TNFAIP8L1: variants seen among roughly 807,000 people sequenced by gnomAD.
TNFAIP8L1 encodes tumor necrosis factor alpha-induced protein 8-like protein 1.
For missense variants in TNFAIP8L1, 225 were observed against 266.1 expected (o/e 0.85, Z 1.08); for synonymous variants, 127 against 125.6 (o/e 1.01, Z -0.08).
At chr19:4,644,240 T>TA (rs2088289242) in intron 1 of TNFAIP8L1, among the ~76,000 whole-genome samples, 2 of 146,832 alleles carry the variant, frequency 1.4e-5, no homozygotes, top group African/African-American at 5.1e-5. Flanking sequence ...AAAATAAAAA[T>TA]AAAATAAAAT....
chr19:4,643,383 G>C (rs1441719179), intron 1 of TNFAIP8L1, among the ~76,000 whole-genome samples: 1 of 152,202 alleles, frequency 6.6e-6, no homozygotes, highest in Non-Finnish European at 1.5e-5. Context: ...TTATTGCTTG[G>C]GCTGAGGCAA....
At chr19:4,642,482 CA>C (rs56182452) in intron 1 of TNFAIP8L1, 237 of 131,140 alleles carry the variant, frequency 1.8e-3, no homozygotes, top group South Asian at 5.2e-3. Context: ...GACTCCATCT[CA>C]AAAAAAAAAA....
At chr19:4,648,233 G>A (rs1320946975) in intron 1 of TNFAIP8L1, among the ~76,000 whole-genome samples, 1 of 152,254 alleles carries the variant, frequency 6.6e-6, no homozygotes, top group East Asian at 1.9e-4. Flanking sequence ...GTGTGTTTGT[G>A]ACGATGGCAG....
chr19:4,644,582 G>A (rs558559415), intron 1 of TNFAIP8L1, among the ~76,000 whole-genome samples: 3 of 149,042 alleles, frequency 2.0e-5, no homozygotes, highest in Non-Finnish European at 3.0e-5. Context: ...AATGGACACC[G>A]GCTTGCAAGT....
chr19:4,640,603 G>GT (rs1019761325), intron 1 of TNFAIP8L1: 26 of 152,394 alleles, frequency 1.7e-4, no homozygotes, highest in Middle Eastern at 3.4e-3. Context: ...GGAGTGGGTC[G>GT]TAACTCCCCA....
intron 1 of TNFAIP8L1, among the ~76,000 whole-genome samples, chr19:4,643,346 TC>T (rs1169501218): frequency 6.6e-6 from 1 of 151,906 alleles, no homozygotes; most frequent in Non-Finnish European, 1.5e-5. Flanking sequence ...TGCCAGGTGA[TC>T]CTAGGCTTCT....
At position 4,652,531 on chromosome 19, in the gene TNFAIP8L1, G is replaced by A. The variant is rs994202012; in HGVS notation, c.*101G>A. ...TTTTTCCACCTCTTTTCTCCCAATC[G>A]GACTCCGGCCAAACTCCCCTAGACA... On this transcript the variant is annotated 3_prime_UTR_variant, in exon 2 of 2. Transcript: ENST00000327473. 6.5e-6 allele frequency: 8 copies of A among 1,222,904 alleles called. No individual in the cohort carries two copies. Among genetic ancestry groups the A allele is most frequent in the Admixed American group, 2.9e-5 (1 of 34,482 alleles). The allele number at this position is 1,222,904 out of a possible 1,614,324, so 75.8% of individuals were successfully genotyped here. A position where few individuals can be genotyped will look rare whatever the true frequency, so the allele number is the denominator to read the frequency against.
chr19:4,640,696 G>T (rs550252413), intron 1 of TNFAIP8L1: 1 of 152,506 alleles, frequency 6.6e-6, no homozygotes, highest in South Asian at 2.1e-4. Context: ...CTCTGCCCCA[G>T]TCACACTGGC....
chr19:4,649,708 G>GGC (rs992260294), intron 1 of TNFAIP8L1, among the ~76,000 whole-genome samples: 34 of 152,336 alleles, frequency 2.2e-4, no homozygotes, highest in African/African-American at 7.9e-4. Context: ...TGACAAAGTG[G>GGC]GCACACATCG....
At chr19:4,644,837 G>A (rs2088295241) in intron 1 of TNFAIP8L1, among the ~76,000 whole-genome samples, 1 of 152,062 alleles carries the variant, frequency 6.6e-6, no homozygotes, top group African/African-American at 2.4e-5. Flanking sequence ...CCGACCTAAG[G>A]TGATCTGCCC....
chr19:4,651,522 C>A (rs1411758119), intron 1 of TNFAIP8L1, among the ~76,000 whole-genome samples: 1 of 151,594 alleles, frequency 6.6e-6, no homozygotes, highest in Admixed American at 6.6e-5. Flanking sequence ...CTGCAACCTC[C>A]GCCTCCCGGG....
intron 1 of TNFAIP8L1, among the ~76,000 whole-genome samples, chr19:4,643,659 G>A (rs557155913): frequency 3.3e-5 from 5 of 152,316 alleles, no homozygotes; most frequent in Non-Finnish European, 4.4e-5. Flanking sequence ...GGACACTGGC[G>A]AAGTATGGCG....
rs1053727721 is a variant in TNFAIP8L1, at chr19:4,645,240, G to A, written c.-4+5611G>A. On this transcript the variant is annotated intron_variant, in intron 1 of 1. Transcript: ENST00000327473. The surrounding 1 kb of genome is among the most constrained non-coding windows in gnomAD (Gnocchi z 4.1). ...TAGTTAAACGCAGCCATTATTTAAC[G>A]TGGGAGAATATAAACTTATAGTTAA... 2.6e-5 allele frequency among the ~76,000 whole-genome samples: 4 copies of A among 152,128 alleles called. No homozygotes were observed. The highest frequency in any genetic ancestry group is 2.1e-4 in the South Asian group (1 of 4,830).
Position 4,641,793 on chromosome 19 carries a change from A to C in TNFAIP8L1, c.-4+2164A>C, listed in dbSNP as rs905883593. On this transcript the variant is annotated intron_variant, in intron 1 of 1. Coordinates refer to ENST00000327473, the MANE Select transcript of TNFAIP8L1 (RefSeq NM_152362.3). The surrounding 1 kb of genome is among the most constrained non-coding windows in gnomAD (Gnocchi z 4.6). Reference sequence around the variant, plus strand: ...TCCCCTCTGGGGTGGGCTCTGGGAGAGACGAGACTTGAACCCCAAATGTGC... The same window carrying C: ...TCCCCTCTGGGGTGGGCTCTGGGAGCGACGAGACTTGAACCCCAAATGTGC... 6.6e-6 allele frequency: 1 copy of C among 152,170 alleles called. No homozygotes were observed. The highest frequency in any genetic ancestry group is 1.5e-5 in the Non-Finnish European group (1 of 68,048). The allele number at this position is 152,170 out of a possible 1,614,324, so 9.4% of individuals were successfully genotyped here. A position where few individuals can be genotyped will look rare whatever the true frequency, so the allele number is the denominator to read the frequency against.
Position 4,654,542 on chromosome 19 carries a change from A to G in TNFAIP8L1, c.*2112A>G, listed in dbSNP as rs2088405224. ...TTTTTTGTAGACAGAAGGTCTCACC[A>G]TGTTGCCCAGGATGGTCTCGAACTC... is the stretch of plus-strand genomic sequence containing the variant. On this transcript the variant is annotated 3_prime_UTR_variant, in exon 2 of 2. Coordinates refer to ENST00000327473, the MANE Select transcript of TNFAIP8L1 (RefSeq NM_152362.3). The G allele has an allele frequency of 1.3e-5, 2 of 152,322 alleles. No homozygotes were observed. The highest frequency in any genetic ancestry group is 4.1e-4 in the South Asian group (2 of 4,824). The allele number at this position is 152,322 out of a possible 1,614,324, so 9.4% of individuals were successfully genotyped here.
intron 1 of TNFAIP8L1, among the ~76,000 whole-genome samples, chr19:4,646,292 T>TC (rs2088310748): frequency 6.9e-6 from 1 of 145,658 alleles, no homozygotes; most frequent in Non-Finnish European, 1.5e-5. Flanking sequence ...CCGGCCGACT[T>TC]TTTTTTTTTT....
intron 1 of TNFAIP8L1, among the ~76,000 whole-genome samples, chr19:4,650,033 G>C (rs572819455): frequency 6.6e-6 from 1 of 152,170 alleles, no homozygotes; most frequent in African/African-American, 2.4e-5. Context: ...GACCGGGGGC[G>C]GGTCTCAGGC....
rs1230601368 is a variant in TNFAIP8L1 at position 4,653,931 on chromosome 19, ACT to A, written c.*1504_*1505del. 2 of 151,606 alleles carry A rather than the reference ACT, an allele frequency of 1.3e-5. No individual in the cohort carries two copies. The highest frequency in any genetic ancestry group is 1.9e-4 in the East Asian group (1 of 5,170). The allele number at this position is 151,606 out of a possible 1,614,324, so 9.4% of individuals were successfully genotyped here. ...GCACTCCAGCTTGGGTGAGAGTGGG[ACT>A]CTGTCTTAGAAAGAAAAAAAAAAGT... On this transcript the variant is annotated 3_prime_UTR_variant, in exon 2 of 2. Coordinates refer to ENST00000327473, the MANE Select transcript of TNFAIP8L1 (RefSeq NM_152362.3).
In TNFAIP8L1 at chr19:4,645,030, G is replaced by A. The variant is rs1025185067; in HGVS notation, c.-4+5401G>A. On this transcript the variant is annotated intron_variant, in intron 1 of 1. Coordinates refer to ENST00000327473, the MANE Select transcript of TNFAIP8L1 (RefSeq NM_152362.3). The surrounding 1 kb of genome is among the most constrained non-coding windows in gnomAD (Gnocchi z 4.1). ...CTGGGCCCCCGGACTGAGTGCAGCC[G>A]GGGCTGAGACAAGACAGATGGAGCG... Among the ~76,000 whole-genome samples the A allele has an allele frequency of 2.0e-5, 3 of 152,212 alleles. No individual in the cohort carries two copies. Among genetic ancestry groups the A allele is most frequent in the Non-Finnish European group, 4.4e-5 (3 of 68,030 alleles).
Sources: allele counts gnomAD v4.1 joint callset (sites outside exome capture counted in the v4.1 genomes callset), GRCh38; gene constraint gnomAD v4.1.1; non-coding constraint Gnocchi (gnomAD v3.1); transcripts MANE v1.5; gene names NCBI Gene and HGNC (gene_info 2026-07-23, HGNC 2026-07-21).